Variants in BNC2 observed in about 807,000 individuals in gnomAD.
BNC2 encodes zinc finger protein basonuclin-2.
A neutral mutation model predicts 76.3 loss-of-function variants in BNC2; 20 were observed. The ratio of observed to expected loss-of-function variants is 0.26; its 90% CI spans 0.18 to 0.38. The LOEUF (loss-of-function observed/expected upper bound fraction) is 0.38, where lower values mean the gene tolerates loss of function less well. BNC2 is among the 10% of genes least tolerant of loss of function. BNC2 has a pLI of 1.00. For synonymous variants in BNC2, 582 were observed against 514.8 expected (o/e 1.13, Z -1.77); for missense variants, 1,382 against 1,399.8 (o/e 0.99, Z 0.20).
At chr9:16,425,463 T>C (rs1245586805) in intron 6 of BNC2, among the ~76,000 whole-genome samples, 1 of 152,176 alleles carries the variant, frequency 6.6e-6, no homozygotes, top group Non-Finnish European at 1.5e-5. Context: ...AGTCTCATCT[T>C]GTCAACAAGG....
At chr9:16,635,667 T>C (rs966396934) in intron 3 of BNC2, among the ~76,000 whole-genome samples, 1 of 152,232 alleles carries the variant, frequency 6.6e-6, no homozygotes, top group East Asian at 1.9e-4. Flanking sequence ...CAGACAATTC[T>C]ATTATACAGA....
At chr9:16,864,078 A>G (rs11792249) in intron 1 of BNC2, among the ~76,000 whole-genome samples, 16,434 of 152,200 alleles carry the variant, frequency 0.11, 1,157 homozygotes, top group Non-Finnish European at 0.16. Context: ...ACAAATACTT[A>G]TTTTATTTAT....
intron 6 of BNC2, among the ~76,000 whole-genome samples, chr9:16,423,442 G>A (rs1820746419): frequency 6.6e-6 from 1 of 152,172 alleles, no homozygotes; most frequent in Non-Finnish European, 1.5e-5. Flanking sequence ...AAGAAGTGCA[G>A]TGGTAATCAT....
intron 5 of BNC2, among the ~76,000 whole-genome samples, chr9:16,545,057 C>T (rs1050588634): frequency 1.3e-5 from 2 of 152,170 alleles, no homozygotes; most frequent in African/African-American, 4.8e-5. Context: ...CTGTCCAACT[C>T]TGAAGTACAA....
At chr9:16,696,225 C>G (rs1446005093) in intron 3 of BNC2, among the ~76,000 whole-genome samples, 1 of 152,200 alleles carries the variant, frequency 6.6e-6, no homozygotes, top group Non-Finnish European at 1.5e-5. Flanking sequence ...TAGCTCCCCA[C>G]CAATTACCAA....
intron 5 of BNC2, among the ~76,000 whole-genome samples, chr9:16,457,548 C>G (rs1440309852): frequency 6.6e-6 from 1 of 152,250 alleles, no homozygotes; most frequent in South Asian, 2.1e-4. Context: ...ATTTCTCCAG[C>G]ATTAAATTGT....
chr9:16,756,445 G>A (rs2135335763), intron 1 of BNC2, among the ~76,000 whole-genome samples: 1 of 152,178 alleles, frequency 6.6e-6, no homozygotes, highest in Non-Finnish European at 1.5e-5. Flanking sequence ...TTTGACAGCT[G>A]AAATAGCCTC....
chr9:16,577,329 A>T (rs905404750), intron 4 of BNC2, among the ~76,000 whole-genome samples: 1 of 152,002 alleles, frequency 6.6e-6, no homozygotes, highest in African/African-American at 2.4e-5. Context: ...AAATTCAACC[A>T]TGCTGAGAAA....
intron 1 of BNC2, among the ~76,000 whole-genome samples, chr9:16,824,731 G>A (rs1040605104): frequency 6.6e-5 from 10 of 152,172 alleles, no homozygotes; most frequent in African/African-American, 1.4e-4. Context: ...AAAAAAGTAT[G>A]AGCCACAGAG....
intron 1 of BNC2, among the ~76,000 whole-genome samples, chr9:16,826,310 T>C (rs900463850): frequency 2.0e-5 from 3 of 148,640 alleles, no homozygotes; most frequent in Non-Finnish European, 4.4e-5. Context: ...GCCTGTGCCA[T>C]ATAGCTCTGC....
At chr9:16,527,314 T>C (rs1817835143) in intron 5 of BNC2, among the ~76,000 whole-genome samples, 1 of 152,160 alleles carries the variant, frequency 6.6e-6, no homozygotes, top group Admixed American at 6.5e-5. Context: ...AAGAGATAAT[T>C]AGCATCAAAG....
intron 1 of BNC2, among the ~76,000 whole-genome samples, chr9:16,751,838 T>C (rs1214487103): frequency 1.3e-5 from 2 of 151,996 alleles, no homozygotes; most frequent in African/African-American, 2.4e-5. Flanking sequence ...AAGACCAGCC[T>C]GGCCAACATG....
rs927619677 is a variant in BNC2 at position 16,611,222 on chromosome 9, C to T, written c.331-28137G>A. 7.2e-5 allele frequency among the ~76,000 whole-genome samples: 11 copies of T among 152,214 alleles called. No individual in the cohort carries two copies. The East Asian group carries it at 1.2e-3, about 16-fold the overall frequency. Reference sequence around the variant, plus strand: ...TATTTGTTACAACACAAAGGAAAGGCGCTATCAATCGTCCTGCCAGATACT... The same window carrying T: ...TATTTGTTACAACACAAAGGAAAGGTGCTATCAATCGTCCTGCCAGATACT... On this transcript the variant is annotated intron_variant, in intron 3 of 6. Coordinates refer to ENST00000380672, the MANE Select transcript of BNC2 (RefSeq NM_017637.6).
At chr9:16,590,883 A>G (rs756014511) in intron 3 of BNC2, among the ~76,000 whole-genome samples, 5 of 152,212 alleles carry the variant, frequency 3.3e-5, no homozygotes, top group Admixed American at 6.5e-5. Context: ...TGAATCTGAA[A>G]GCTAATTATT....
chr9:16,745,792 T>C (rs1226547323), intron 1 of BNC2, among the ~76,000 whole-genome samples: 7 of 152,226 alleles, frequency 4.6e-5, no homozygotes, highest in Non-Finnish European at 1.0e-4. Context: ...ATATAAGGAA[T>C]AAGTAAACCC....
chr9:16,419,243 C>A lies in BNC2; in HGVS notation c.3046G>T (p.Gly1016Trp). ...AEAPALPGSLGAEVSGSLMFS... is the reference protein window; with the variant it reads ...AEAPALPGSLWAEVSGSLMFS... The stretch of plus-strand genomic sequence containing the variant: ...ATAAGAGATCCTGAAACTTCAGCCC[C>A]TAGGCTGCCAGGGAGGGCAGGGGCC... Residue 1016 changes from glycine to tryptophan, a missense_variant, in exon 7 of 7, where the codon GGG becomes TGG. Gly to Trp is a radical substitution (Grantham distance 184). This residue lies in a region of BNC2 where 798 missense variants were observed against 775.5 expected (regional missense o/e 1.03). Transcript: ENST00000380672. 1 of 1,614,190 alleles carries A rather than the reference C, an allele frequency of 6.2e-7. No individual in the cohort carries two copies. The highest frequency in any genetic ancestry group is 8.5e-7 in the Non-Finnish European group (1 of 1,180,024).
chr9:16,485,800 C>T (rs1255259644), intron 5 of BNC2, among the ~76,000 whole-genome samples: 1 of 152,110 alleles, frequency 6.6e-6, no homozygotes, highest in Non-Finnish European at 1.5e-5. Flanking sequence ...CAGAGTGAGA[C>T]CCTGTCTCAA....
At position 16,727,900 on chromosome 9, in the gene BNC2, T is replaced by C. The variant is rs1488921825; in HGVS notation, c.227A>G (p.Asp76Gly). 1.1e-5 allele frequency: 18 copies of C among 1,614,076 alleles called. No individual in the cohort carries two copies. Among genetic ancestry groups the C allele is most frequent in the Non-Finnish European group, 1.4e-5 (17 of 1,180,038 alleles). The change falls in exon 3 of 7, where the codon GAC (aspartate) becomes GGC (glycine). Residue 76 changes from aspartate (D) to glycine (G), a missense_variant. By Grantham distance (94) the Asp-to-Gly change is moderately conservative. This residue lies in a region of BNC2 where 557 missense variants were observed against 540.9 expected (regional missense o/e 1.03). Coordinates refer to ENST00000380672, the MANE Select transcript of BNC2 (RefSeq NM_017637.6). Reference sequence around the variant, plus strand: ...TCTGGTTCCGAACTGCATGGAGTTGTCAGTACAGGAGTCTCTTAAAGTCAA... The same window carrying C: ...TCTGGTTCCGAACTGCATGGAGTTGCCAGTACAGGAGTCTCTTAAAGTCAA... ...RDLTLRDSCT[D>G]NSMQFGTRTT...
chr9:16,827,731 C>T (rs1455529632), intron 1 of BNC2, among the ~76,000 whole-genome samples: 1 of 152,074 alleles, frequency 6.6e-6, no homozygotes, highest in Non-Finnish European at 1.5e-5. Flanking sequence ...TATCATGGTA[C>T]ATATGGGAAG....
Sources: allele counts gnomAD v4.1 joint callset (sites outside exome capture counted in the v4.1 genomes callset), GRCh38; gene constraint gnomAD v4.1.1; regional missense constraint gnomAD v4.1.1; transcripts MANE v1.5; gene names NCBI Gene and HGNC (gene_info 2026-07-23, HGNC 2026-07-21).